The following AMZ1 variants were observed in gnomAD, a reference collection of about 807,000 sequenced individuals.
AMZ1 encodes archaelysin family metallopeptidase 1.
Under a neutral mutation model 29.9 loss-of-function variants are expected in AMZ1, and 39 were observed. The ratio of observed to expected loss-of-function variants is 1.30; its 90% CI spans 1.01 to 1.70. AMZ1 has a LOEUF of 1.70. Among genes scored for constraint, AMZ1 ranks in the 40% most tolerant of loss-of-function variants. AMZ1 has a pLI of 0.00. For synonymous variants in AMZ1, 458 were observed against 304.0 expected, an observed-to-expected ratio of 1.51 and a Z score of -5.27; for missense variants, 1,041 against 680.6, an observed-to-expected ratio of 1.53 and a Z score of -5.89.
rs1788639888 is a variant in AMZ1 at position 2,709,748 on chromosome 7, G to T, written c.880G>T (p.Asp294Tyr). ...SLDEALRRPL[D>Y]LCPICLRKLQ... Reference sequence around the variant, plus strand: ...GGACGAGGCCCTGCGGCGGCCCCTGGACCTCTGTCCCATCTGCCTGAGGAA... The same window carrying T: ...GGACGAGGCCCTGCGGCGGCCCCTGTACCTCTGTCCCATCTGCCTGAGGAA... Residue 294 changes from aspartate (D) to tyrosine (Y), a missense_variant, in exon 6 of 7, where the codon GAC becomes TAC. Asp to Tyr is a radical substitution (Grantham distance 160). Transcript: ENST00000683327. 1 of 1,611,648 alleles carries T rather than the reference G, an allele frequency of 6.2e-7. No individual in the cohort carries two copies. Among genetic ancestry groups the T allele is most frequent in the East Asian group, 2.2e-5 (1 of 44,880 alleles).
chr7:2,700,570 A>T lies in AMZ1; in HGVS notation c.119A>T (p.Glu40Val). ...QLYVSAFSPA[E>V]RLFLAEAYNP... ...TATGTGTCCGCCTTCTCCCCTGCCG[A>T]GCGGCTCTTCCTGGCCGAGGCCTAC... is the stretch of plus-strand genomic sequence containing the variant. Residue 40 changes from glutamate (E) to valine (V), a missense_variant, in exon 2 of 7, where the codon GAG (glutamate) becomes GTG (valine). Physicochemically the swap from Glu to Val is moderately radical, Grantham distance 121. Transcript: ENST00000683327. The T allele has an allele frequency of 6.2e-7, 1 of 1,610,046 alleles. No individual in the cohort carries two copies. Among genetic ancestry groups the T allele is most frequent in the Non-Finnish European group, 8.5e-7 (1 of 1,179,916 alleles).
intron 1 of AMZ1, among the ~76,000 whole-genome samples, chr7:2,690,584 T>G (rs552875786): frequency 5.1e-4 from 78 of 152,222 alleles, no homozygotes; most frequent in African/African-American, 1.7e-3. Flanking sequence ...GAAGGTGGTG[T>G]TGTGTCTCTG....
At chr7:2,757,152 T>TTC (rs1477674621) in intron 4 of AMZ1, among the ~76,000 whole-genome samples, 2 of 116,136 alleles carry the variant, frequency 1.7e-5, no homozygotes, top group East Asian at 2.3e-4. Context: ...TTTTTTTTTT[T>TTC]TGAGACGGAG....
rs1048027570 is a variant in AMZ1, at chr7:2,717,280, C to T, written c.*4402C>T. ...AGGAATATTTTTATCCCCGTGAAGA[C>T]GGAGAGAATCAGGGCTTCGCGACGG... On this transcript the variant is annotated 3_prime_UTR_variant, in exon 7 of 7. Transcript: ENST00000683327. Among the ~76,000 whole-genome samples, 3 of 152,214 alleles carry T rather than the reference C, an allele frequency of 2.0e-5. No homozygotes were observed. Among genetic ancestry groups the T allele is most frequent in the Admixed American group, 6.5e-5 (1 of 15,288 alleles).
chr7:2,738,725 TA>T (rs1351661396), intron 4 of AMZ1, among the ~76,000 whole-genome samples: 2 of 152,026 alleles, frequency 1.3e-5, no homozygotes, highest in Non-Finnish European at 2.9e-5. Context: ...AAAAATTAAA[TA>T]AAAAACCAAC....
At position 2,693,422 on chromosome 7, in the gene AMZ1, C is replaced by T. The variant is rs1476479020; in HGVS notation, c.-219+5126C>T. ...TTGGACACAGGGTCTTGCTGTCATC[C>T]AGGCTGGAGTGCAGTGGTGCGATCA... is the stretch of plus-strand genomic sequence containing the variant. On this transcript the variant is annotated intron_variant, in intron 1 of 6. Coordinates refer to ENST00000683327, the MANE Select transcript of AMZ1 (RefSeq NM_001384743.1). Among the ~76,000 whole-genome samples, 4 of 152,106 alleles carry T rather than the reference C, an allele frequency of 2.6e-5. No homozygotes were observed. The East Asian group carries it at 7.7e-4, about 29-fold the overall frequency.
chr7:2,762,277 G>A, upstream of AMZ1: 1 of 239,000 alleles, frequency 4.2e-6, no homozygotes, highest in Non-Finnish European at 8.0e-6. Context: ...GTCACAGAAG[G>A]TGCACATGGC....
chr7:2,759,309 G>A (rs1181646353), intron 4 of AMZ1, among the ~76,000 whole-genome samples: 2 of 152,104 alleles, frequency 1.3e-5, no homozygotes, highest in East Asian at 1.9e-4. Context: ...GAAACAAAGC[G>A]CTAGCTGTAA....
chr7:2,753,739 A>T lies in AMZ1; in HGVS notation n.551-10973A>T, dbSNP rs551482601. Among the ~76,000 whole-genome samples, 111 of 151,214 alleles carry T rather than the reference A, an allele frequency of 7.3e-4. No individual in the cohort carries two copies. The Middle Eastern group carries it at 0.01, about 14-fold the overall frequency. The stretch of plus-strand genomic sequence containing the variant: ...GCCGGGCTGTATAAGTGTATGTTTA[A>T]TTTTTTTTTCCTTTTAATTACATTT... On this transcript the variant is annotated intron_variant and non_coding_transcript_variant, in intron 4 of 4. Transcript: ENST00000489665.
chr7:2,699,535 C>CG (rs1207926143), intron 1 of AMZ1, among the ~76,000 whole-genome samples: 4 of 152,058 alleles, frequency 2.6e-5, no homozygotes, highest in South Asian at 4.2e-4. Flanking sequence ...ACCCCCGCCC[C>CG]CCCCCAAACA....
At chr7:2,679,717 A>C (rs1786816580) in intron 1 of AMZ1, 1 of 152,502 alleles carries the variant, frequency 6.6e-6, no homozygotes. Context: ...GGTTCTGGGA[A>C]GAGGCAGCTG....
At chr7:2,737,363 A>G (rs1015212118) in intron 4 of AMZ1, among the ~76,000 whole-genome samples, 4 of 131,036 alleles carry the variant, frequency 3.1e-5, no homozygotes, top group Non-Finnish European at 6.1e-5. Flanking sequence ...ATCTTGGCTC[A>G]CTGCAACCTC....
chr7:2,723,828 A>C (rs1227176021), downstream of AMZ1, among the ~76,000 whole-genome samples: 2 of 152,198 alleles, frequency 1.3e-5, no homozygotes, highest in Non-Finnish European at 2.9e-5. Context: ...GGAGGACTTT[A>C]CATCCTCCTC....
intron 5 of AMZ1, 145 bp from the exon 6 acceptor site, chr7:2,709,495 T>G: frequency 7.7e-7 from 1 of 1,306,366 alleles, no homozygotes; most frequent in Middle Eastern, 2.7e-4. Context: ...CTGTGCCGCC[T>G]GGGGCAGGGG....
chr7:2,683,646 G>A (rs1786966872), upstream of AMZ1, among the ~76,000 whole-genome samples: 1 of 152,140 alleles, frequency 6.6e-6, no homozygotes, highest in East Asian at 1.9e-4. Context: ...CACCGTGTTA[G>A]CCAGGATGGT....
Position 2,709,184 on chromosome 7 carries a change from C to A in AMZ1, c.711C>A (p.Pro237=). 1.9e-6 allele frequency: 3 copies of A among 1,538,894 alleles called. No individual in the cohort carries two copies. The highest frequency in any genetic ancestry group is 2.6e-6 in the Non-Finnish European group (3 of 1,144,866). The change falls in exon 5 of 7, where the codon CCC becomes CCA. Residue 237 remains proline (P), a synonymous_variant. Transcript: ENST00000683327. ...VEAAADGPEA[P]LQDRGWALCF... ...CAGCAGCAGACGGCCCCGAGGCCCCCCTGCAGGACAGGGGCTGGGCCCTGT... is the reference window on the plus strand; with the variant it reads ...CAGCAGCAGACGGCCCCGAGGCCCCACTGCAGGACAGGGGCTGGGCCCTGT...
intron 4 of AMZ1, among the ~76,000 whole-genome samples, chr7:2,744,913 G>A (rs1410390560): frequency 1.3e-5 from 2 of 152,156 alleles, no homozygotes; most frequent in Non-Finnish European, 2.9e-5. Flanking sequence ...GGAAGAAAGG[G>A]TATAAGTGAT....
intron 3 of AMZ1, 42 bp from the exon 4 acceptor site, chr7:2,708,546 C>T: frequency 1.9e-6 from 3 of 1,607,506 alleles, no homozygotes; most frequent in African/African-American, 1.3e-5. Context: ...ATGGGGGTCC[C>T]CGGCTGCCTC....
upstream of AMZ1, among the ~76,000 whole-genome samples, chr7:2,686,888 T>A (rs1202434938): frequency 6.6e-6 from 1 of 152,024 alleles, no homozygotes; most frequent in Non-Finnish European, 1.5e-5. Flanking sequence ...CTAATTTTTT[T>A]ATTTTTAATA....
Sources: gnomAD v4.1 joint callset for allele counts (sites outside exome capture counted in the v4.1 genomes callset) on GRCh38, gnomAD v4.1.1 for gene constraint, MANE v1.5 for transcripts, NCBI Gene and HGNC (gene_info 2026-07-23, HGNC 2026-07-21) for gene names.